The following PDE10A variants were observed in gnomAD, a reference collection of about 807,000 sequenced individuals.
The protein encoded by PDE10A is phosphodiesterase 10A.
Under a neutral mutation model 97.7 loss-of-function variants are expected in PDE10A, and 39 were observed. The ratio of observed to expected loss-of-function variants is 0.40; its 90% CI spans 0.31 to 0.52. The LOEUF (loss-of-function observed/expected upper bound fraction) is 0.52. PDE10A is among the 20% of genes least tolerant of loss of function. The pLI, the probability that PDE10A is intolerant of heterozygous loss-of-function variation, is 0.56. For missense variants in PDE10A, 731 were observed against 1,047.8 expected (o/e 0.70, Z 4.17); for synonymous variants, 371 against 376.8 (o/e 0.98, Z 0.18).
At chr6:165,566,522 C>G (rs1346679482) in intron 1 of PDE10A, among the ~76,000 whole-genome samples, 1 of 152,098 alleles carries the variant, frequency 6.6e-6, no homozygotes, top group Admixed American at 6.5e-5. Context: ...GCAAAGGTAA[C>G]AGTGTGGGTC....
chr6:165,352,519 T>G (rs1404266914), intron 18 of PDE10A, among the ~76,000 whole-genome samples: 1 of 152,104 alleles, frequency 6.6e-6, no homozygotes. Context: ...ATCAGATAAA[T>G]TGATCCATTA....
In PDE10A at chr6:165,785,588, G is replaced by T. The variant is rs557619970; in HGVS notation, c.-615+201941C>A. 1.2e-4 allele frequency among the ~76,000 whole-genome samples: 18 copies of T among 152,282 alleles called. 2 individuals carry two copies. In the South Asian group the frequency reaches 3.7e-3, roughly 32 times the overall value. ...CACTTGTCATTACCAAAATTTAACA[G>T]CCTCTAAATCCATTGTCCCATGAAA... On this transcript the variant is annotated intron_variant, in intron 1 of 19. Coordinates refer to the PDE10A transcript ENST00000366882.
chr6:165,954,050 T>C (rs965898135), intron 1 of PDE10A, among the ~76,000 whole-genome samples: 1 of 152,236 alleles, frequency 6.6e-6, no homozygotes, highest in East Asian at 1.9e-4. Context: ...AATGTGTATT[T>C]GGGGTTCCTT....
chr6:165,977,712 A>G (rs2128503038), intron 1 of PDE10A, among the ~76,000 whole-genome samples: 1 of 152,356 alleles, frequency 6.6e-6, no homozygotes, highest in Non-Finnish European at 1.5e-5. Flanking sequence ...ACATTAAACA[A>G]ATTATTAAAA....
At chr6:165,633,501 TGAG>T (rs1166300584) in intron 1 of PDE10A, among the ~76,000 whole-genome samples, 1 of 152,144 alleles carries the variant, frequency 6.6e-6, no homozygotes, top group Non-Finnish European at 1.5e-5. Flanking sequence ...ATGGAATAAT[TGAG>T]GGGAAAAATG....
chr6:165,574,730 T>C (rs1785218943), intron 1 of PDE10A, among the ~76,000 whole-genome samples: 1 of 152,200 alleles, frequency 6.6e-6, no homozygotes, highest in Admixed American at 6.5e-5. Context: ...AGTGCATTTA[T>C]ACCATGATTT....
intron 1 of PDE10A, among the ~76,000 whole-genome samples, chr6:165,740,523 CG>C (rs1792694096): frequency 6.6e-6 from 1 of 152,008 alleles, no homozygotes; most frequent in South Asian, 2.1e-4. Context: ...TTAGTACAGA[CG>C]GGTTTTCACT....
chr6:165,553,104 G>T (rs562480911), intron 1 of PDE10A, among the ~76,000 whole-genome samples: 8 of 152,014 alleles, frequency 5.3e-5, no homozygotes, highest in Admixed American at 5.2e-4. Flanking sequence ...TTCATCTAAA[G>T]AGTTTAAATA....
intron 13 of PDE10A, among the ~76,000 whole-genome samples, chr6:165,410,438 G>C (rs1787651409): frequency 6.6e-6 from 1 of 152,298 alleles, no homozygotes; most frequent in African/African-American, 2.4e-5. Context: ...TGAATAGGGA[G>C]AGCCAAATTT....
chr6:165,712,072 T>A (rs1791908424), intron 1 of PDE10A, among the ~76,000 whole-genome samples: 2 of 151,934 alleles, frequency 1.3e-5, no homozygotes, highest in African/African-American at 4.8e-5. Flanking sequence ...GGTTTTTCAG[T>A]GGTGAAGTGA....
chr6:165,884,558 A>G (rs1377711849), intron 1 of PDE10A, among the ~76,000 whole-genome samples: 1 of 152,178 alleles, frequency 6.6e-6, no homozygotes, highest in Admixed American at 6.5e-5. Context: ...TGAAACTCCC[A>G]ACTATACTAT....
rs188957837 is a variant in PDE10A, at chr6:165,480,563, G to T, written c.1023+1752C>A. Among the ~76,000 whole-genome samples, 31 of 152,142 alleles carry T rather than the reference G, an allele frequency of 2.0e-4. No individual in the cohort carries two copies. The East Asian group carries it at 3.9e-3, about 19-fold the overall frequency. ...TGTACCACTGTACTTCAGCCTGGGT[G>T]ATGAACTGAGGCTTTGCCTCAATTA... is the stretch of plus-strand genomic sequence containing the variant. On this transcript the variant is annotated intron_variant, in intron 3 of 21. Coordinates refer to ENST00000539869, the MANE Select transcript of PDE10A (RefSeq NM_001385079.1).
At chr6:165,593,747 T>C (rs952783614) in intron 1 of PDE10A, among the ~76,000 whole-genome samples, 1 of 152,212 alleles carries the variant, frequency 6.6e-6, no homozygotes, top group Non-Finnish European at 1.5e-5. Flanking sequence ...AAACTATCCA[T>C]CTTGTAAGGA....
chr6:165,866,433 G>A (rs778873915), intron 1 of PDE10A, among the ~76,000 whole-genome samples: 11 of 124,006 alleles, frequency 8.9e-5, no homozygotes, highest in East Asian at 2.9e-4. Flanking sequence ...AATTCATTTC[G>A]TTAAGCATGA....
chr6:165,646,328 T>C (rs2983523), intron 1 of PDE10A, among the ~76,000 whole-genome samples: 31,855 of 152,226 alleles, frequency 0.21, 3,745 homozygotes, highest in Middle Eastern at 0.39. Context: ...AAACTGATTA[T>C]AAATATGTAA....
chr6:165,876,549 C>A (rs1392072335), intron 1 of PDE10A, among the ~76,000 whole-genome samples: 1 of 152,168 alleles, frequency 6.6e-6, no homozygotes, highest in East Asian at 1.9e-4. Context: ...ACCCAGAAAT[C>A]AGGGTTTTGG....
intron 1 of PDE10A, among the ~76,000 whole-genome samples, chr6:165,683,771 AC>A (rs2128440023): frequency 6.6e-6 from 1 of 152,228 alleles, no homozygotes; most frequent in Admixed American, 6.5e-5. Context: ...CAAAGATGGT[AC>A]CTTTGTACGT....
chr6:165,788,720 A>G (rs1220638359), intron 1 of PDE10A, among the ~76,000 whole-genome samples: 1 of 152,082 alleles, frequency 6.6e-6, no homozygotes, highest in Non-Finnish European at 1.5e-5. Flanking sequence ...AGAAGAAATA[A>G]GTCAGTTTTT....
At chr6:165,745,498 T>C (rs994951535) in intron 1 of PDE10A, among the ~76,000 whole-genome samples, 1 of 152,220 alleles carries the variant, frequency 6.6e-6, no homozygotes, top group Admixed American at 6.5e-5. Context: ...ATCTTTACCA[T>C]CGACTTAACT....
Sources: allele counts gnomAD v4.1 joint callset (sites outside exome capture counted in the v4.1 genomes callset), GRCh38; gene constraint gnomAD v4.1.1; transcripts MANE v1.5; gene names NCBI Gene and HGNC (gene_info 2026-07-23, HGNC 2026-07-21).